TMCO6: variants seen among roughly 807,000 people sequenced by gnomAD.
TMCO6 encodes the protein transmembrane and coiled-coil domains 6, also known as transmembrane and coiled-coil domain-containing protein 6.
A neutral mutation model predicts 61.8 loss-of-function variants in TMCO6; 47 were observed. The observed-to-expected ratio is 0.76, with a 90% CI of 0.60 to 0.97. TMCO6 has a LOEUF of 0.97. Among genes scored for constraint, TMCO6 ranks in the 50% least tolerant of loss-of-function variants. The pLI, the probability that TMCO6 is intolerant of heterozygous loss-of-function variation, is 0.00. For synonymous variants in TMCO6, 261 were observed against 254.2 expected, an observed-to-expected ratio of 1.03 and a Z score of -0.25; for missense variants, 557 against 601.6, an observed-to-expected ratio of 0.93 and a Z score of 0.78.
chr5:140,633,109 G>T, the TMCO6 span: 2 of 1,613,646 alleles, frequency 1.2e-6, no homozygotes, highest in Admixed American at 1.7e-5. Flanking sequence ...CTCCGGACAG[G>T]CTCTGGAAGT....
the TMCO6 span, among the ~76,000 whole-genome samples, chr5:140,601,519 C>A: frequency 6.6e-6 from 1 of 152,194 alleles, no homozygotes. Flanking sequence ...GAGTACTGCT[C>A]TAAGACCGTT....
Position 140,643,235 on chromosome 5 carries a change from C to T in TMCO6, c.806+194C>T, listed in dbSNP as rs1757158784. ...TTTGAGACAGTCTCACTCTGTCACC[C>T]AGGCTGGATGGAGTACAGTGGTGCG... On this transcript the variant is annotated intron_variant, in intron 7 of 11. Coordinates refer to ENST00000394671, the MANE Select transcript of TMCO6 (RefSeq NM_018502.5). 7 of 786,856 alleles carry T rather than the reference C, an allele frequency of 8.9e-6. No homozygotes were observed. In the Admixed American group the frequency reaches 2.0e-4, roughly 22 times the overall value. 48.7% of individuals were successfully genotyped at this position (786,856 alleles called of 1,614,324 possible).
chr5:140,645,441 AG>A (rs1351379736), downstream of TMCO6: 2 of 1,027,910 alleles, frequency 1.9e-6, no homozygotes, highest in African/African-American at 3.2e-5. Flanking sequence ...TAAGGGGTAG[AG>A]GGTAGATGAG....
downstream of TMCO6, chr5:140,647,404 G>T (rs757929497): frequency 6.2e-7 from 1 of 1,610,858 alleles, no homozygotes; most frequent in Non-Finnish European, 8.5e-7. Context: ...GTGGGCGGGG[G>T]CTTCCCTCAA....
At position 140,645,075 on chromosome 5, in the gene TMCO6, C is replaced by T; in HGVS notation, c.1459C>T (p.Gln487Ter). The change falls in exon 12 of 12, where the codon CAG becomes TAG. Residue 487 changes from glutamine (Q) to a stop codon, truncating the protein, a stop_gained. Transcript: ENST00000394671. LOFTEE classifies it high-confidence loss of function. Reference sequence around the variant, plus strand: ...GCTCCAGGATCGTGTGTATGCTCTCCAGCAGACAGCTCTTCAAGGGTGATC... The same window carrying T: ...GCTCCAGGATCGTGTGTATGCTCTCTAGCAGACAGCTCTTCAAGGGTGATC... Reference protein sequence around the residue: ...AQLQDRVYALQQTALQG With the variant: ...AQLQDRVYAL 6.2e-7 allele frequency: 1 copy of T among 1,614,160 alleles called. No individual in the cohort carries two copies.
At chr5:140,647,194 C>T (rs1026817205), downstream of TMCO6, 2 of 1,500,396 alleles carry the variant, frequency 1.3e-6, no homozygotes, top group Non-Finnish European at 1.8e-6. Flanking sequence ...TGGGCGGTCC[C>T]TTCTCTTCTC....
chr5:140,604,562 A>G, the TMCO6 span, among the ~76,000 whole-genome samples: 151 of 151,820 alleles, frequency 9.9e-4, 1 homozygote, highest in African/African-American at 3.4e-3. Context: ...GATGCACCAA[A>G]GTTTTTAATC....
the TMCO6 span, among the ~76,000 whole-genome samples, chr5:140,616,572 A>G: frequency 1.3e-5 from 2 of 152,332 alleles, no homozygotes; most frequent in South Asian, 2.1e-4. Flanking sequence ...AATAATAAAA[A>G]CATTGAAAAT....
At chr5:140,596,686 C>G in the TMCO6 span, among the ~76,000 whole-genome samples, 2 of 152,210 alleles carry the variant, frequency 1.3e-5, no homozygotes, top group African/African-American at 2.4e-5. Context: ...CCCCTAGAAA[C>G]AGGATGTCCT....
At chr5:140,642,817 A>G (rs556948270) in intron 6 of TMCO6, 108 bp from the exon 7 acceptor site, 2 of 1,599,528 alleles carry the variant, frequency 1.3e-6, no homozygotes, top group South Asian at 2.2e-5. Flanking sequence ...ACACTTTCCC[A>G]TCTGGGCAGG....
At chr5:140,613,868 A>T in the TMCO6 span, among the ~76,000 whole-genome samples, 2 of 150,894 alleles carry the variant, frequency 1.3e-5, no homozygotes, top group African/African-American at 4.9e-5. Context: ...CCACTGCACC[A>T]GGCTCATCTC....
upstream of TMCO6, among the ~76,000 whole-genome samples, chr5:140,634,482 C>CTTTTTTTTTTTTTTTTTTTTTTTTTTTT: frequency 9.0e-6 from 1 of 110,892 alleles, no homozygotes; most frequent in Non-Finnish European, 1.8e-5. Context: ...ATATGAAAGT[C>CTTTTTTTTTTTTTTTTTTTTTTTTTTTT]TTTTTTTTTT....
chr5:140,640,636 A>T (rs1756966582), intron 2 of TMCO6, among the ~76,000 whole-genome samples: 1 of 152,026 alleles, frequency 6.6e-6, no homozygotes, highest in Non-Finnish European at 1.5e-5. Context: ...TGGCCTCATG[A>T]TCCACCCGCC....
chr5:140,634,140 CT>C, the TMCO6 span, among the ~76,000 whole-genome samples: 1 of 152,246 alleles, frequency 6.6e-6, no homozygotes, highest in African/African-American at 2.4e-5. Flanking sequence ...TTGGCCAAGT[CT>C]CTGGGTCACT....
the TMCO6 span, chr5:140,632,781 G>C: frequency 6.2e-7 from 1 of 1,613,506 alleles, no homozygotes; most frequent in Non-Finnish European, 8.5e-7. This position sits in a 1 kb window ranked among gnomAD's most constrained non-coding sequence, Gnocchi z 6.2. Context: ...CTTTAGAAAC[G>C]GCTCTAGGTT....
the TMCO6 span, among the ~76,000 whole-genome samples, chr5:140,601,291 G>A: frequency 6.6e-6 from 1 of 152,138 alleles, no homozygotes; most frequent in Non-Finnish European, 1.5e-5. Context: ...GTCTGCAATG[G>A]CTGTGGGGGT....
upstream of TMCO6, chr5:140,638,981 G>T: frequency 6.4e-6 from 1 of 156,238 alleles, no homozygotes; most frequent in South Asian, 1.7e-4. Flanking sequence ...CAAGGGCCAT[G>T]GTCACTCATA....
At position 140,639,779 on chromosome 5, in the gene TMCO6, G is replaced by T; in HGVS notation, c.126G>T (p.Lys42Asn). 6.2e-7 allele frequency: 1 copy of T among 1,608,126 alleles called. No individual in the cohort carries two copies. Among genetic ancestry groups the T allele is most frequent in the Non-Finnish European group, 8.5e-7 (1 of 1,177,922 alleles). ...GGAGGGAGCAGCAGCTGGTCAGCAA[G>T]AGGCTGCTGAGAAACGACGCCCCAG... ...KARREQQLVS[K>N]RLLRNDAPEE... The change falls in exon 2 of 12, where the codon AAG becomes AAT. Residue 42 changes from lysine to asparagine, a missense_variant. Coordinates refer to ENST00000394671, the MANE Select transcript of TMCO6 (RefSeq NM_018502.5).
At chr5:140,622,748 A>G in the TMCO6 span, among the ~76,000 whole-genome samples, 13 of 151,836 alleles carry the variant, frequency 8.6e-5, no homozygotes, top group African/African-American at 3.1e-4. Flanking sequence ...AAAAAGAAAG[A>G]AAAAAGAGAA....
Sources: allele counts gnomAD v4.1 joint callset (sites outside exome capture counted in the v4.1 genomes callset), GRCh38; gene constraint gnomAD v4.1.1; non-coding constraint Gnocchi (gnomAD v3.1); transcripts MANE v1.5; gene names NCBI Gene and HGNC (gene_info 2026-07-23, HGNC 2026-07-21).